The following PARD3B variants were observed in gnomAD, a reference collection of about 807,000 sequenced individuals.
The protein encoded by PARD3B is partitioning defective 3 homolog B.
PARD3B carries 103 observed loss-of-function variants against 130.2 expected under a neutral mutation model. That is an observed-to-expected ratio of 0.79 (90% CI 0.67 to 0.93). PARD3B has a LOEUF of 0.93. PARD3B is among the 40% of genes least tolerant of loss of function. PARD3B has a pLI of 0.00. For synonymous variants in PARD3B, 583 were observed against 553.2 expected (o/e 1.05, Z -0.76); for missense variants, 1,609 against 1,499.2 (o/e 1.07, Z -1.21).
chr2:204,578,661 C>G (rs1219088902), intron 1 of PARD3B, among the ~76,000 whole-genome samples: 4 of 151,984 alleles, frequency 2.6e-5, no homozygotes, highest in Non-Finnish European at 1.5e-5. Context: ...GATGCAAAAC[C>G]TTAAGAACTA....
At chr2:204,746,562 C>T (rs1212934252) in intron 2 of PARD3B, among the ~76,000 whole-genome samples, 5 of 152,198 alleles carry the variant, frequency 3.3e-5, no homozygotes, top group African/African-American at 1.2e-4. Context: ...GCCACACTGT[C>T]TTCCACAATG....
chr2:205,369,874 A>G lies in PARD3B; in HGVS notation c.2631-31139A>G, dbSNP rs568510814. Reference sequence around the variant, plus strand: ...GACTAGATATGTTAACTTATTAATAAAATAGAGATTATATGCTTTTAAAAT... The same window carrying G: ...GACTAGATATGTTAACTTATTAATAGAATAGAGATTATATGCTTTTAAAAT... On this transcript the variant is annotated intron_variant, in intron 18 of 22. Transcript: ENST00000406610. Among the ~76,000 whole-genome samples, 18 of 152,312 alleles carry G rather than the reference A, an allele frequency of 1.2e-4. No individual in the cohort carries two copies. The East Asian group carries it at 2.9e-3, about 24-fold the overall frequency.
At chr2:204,691,970 G>C (rs186800978) in intron 2 of PARD3B, among the ~76,000 whole-genome samples, 128 of 152,148 alleles carry the variant, frequency 8.4e-4, no homozygotes, top group African/African-American at 3.0e-3. Flanking sequence ...ATATTATTTG[G>C]TAACATAAGG....
chr2:205,574,496 C>G (rs915042773), intron 22 of PARD3B, among the ~76,000 whole-genome samples: 17 of 152,144 alleles, frequency 1.1e-4, no homozygotes, highest in Admixed American at 3.3e-4. Flanking sequence ...TTCCACCATA[C>G]ACCATAGTGA....
In PARD3B at chr2:205,142,373, A is replaced by G. The variant is rs569209229; in HGVS notation, c.1435-16349A>G. Among the ~76,000 whole-genome samples the G allele has an allele frequency of 5.4e-4, 83 of 152,336 alleles. No homozygotes were observed. Among genetic ancestry groups the G allele is most frequent in the African/African-American group, 1.8e-3 (76 of 41,580 alleles). ...TTGAAAACTATGATTTTGGTAGATA[A>G]GATGAAAGACATAGTAGTCGCTTTT... is the stretch of plus-strand genomic sequence containing the variant. On this transcript the variant is annotated intron_variant, in intron 10 of 22. Coordinates refer to ENST00000406610, the MANE Select transcript of PARD3B (RefSeq NM_001302769.2). The surrounding 1 kb of genome is among the most constrained non-coding windows in gnomAD (Gnocchi z 4.3).
intron 2 of PARD3B, among the ~76,000 whole-genome samples, chr2:204,787,398 G>A (rs2042049916): frequency 6.6e-6 from 1 of 152,240 alleles, no homozygotes; most frequent in South Asian, 2.1e-4. Flanking sequence ...AGGAGGAGGT[G>A]TATCTCCAGC....
At chr2:205,182,961 G>T (rs1312408265) in intron 13 of PARD3B, among the ~76,000 whole-genome samples, 1 of 152,160 alleles carries the variant, frequency 6.6e-6, no homozygotes, top group Non-Finnish European at 1.5e-5. Flanking sequence ...AACTAGTCTA[G>T]GGACAAAGAG....
At position 205,026,986 on chromosome 2, in the gene PARD3B, G is replaced by A. The variant is rs75863029; in HGVS notation, c.395-20595G>A. On this transcript the variant is annotated intron_variant, in intron 3 of 22. Transcript: ENST00000406610. ...CACCTATCTTAGTTATTGAAGTAAC[G>A]CTGTAATGAACATGAGGGTGTAGAT... is the stretch of plus-strand genomic sequence containing the variant. Among the ~76,000 whole-genome samples, 466 of 152,216 alleles carry A rather than the reference G, an allele frequency of 3.1e-3. 5 individuals are homozygous for A. Among genetic ancestry groups the A allele is most frequent in the African/African-American group, 0.011 (441 of 41,546 alleles).
At chr2:205,540,482 T>C (rs1267826545) in intron 21 of PARD3B, among the ~76,000 whole-genome samples, 1 of 152,208 alleles carries the variant, frequency 6.6e-6, no homozygotes, top group African/African-American at 2.4e-5. Context: ...TAAATTCATA[T>C]GGTTCAATGC....
intron 3 of PARD3B, among the ~76,000 whole-genome samples, chr2:204,997,917 TTATA>T (rs1694367317): frequency 6.7e-6 from 1 of 148,306 alleles, no homozygotes; most frequent in African/African-American, 2.5e-5. Flanking sequence ...TATTTATTAT[TTATA>T]TACTTAATAT....
At chr2:205,343,634 A>G (rs553906737) in intron 18 of PARD3B, among the ~76,000 whole-genome samples, 1 of 152,336 alleles carries the variant, frequency 6.6e-6, no homozygotes, top group East Asian at 1.9e-4. Context: ...TTAAGTAGTA[A>G]CTACAAAGCA....
chr2:204,727,436 T>C (rs918844856), intron 2 of PARD3B, among the ~76,000 whole-genome samples: 8 of 152,316 alleles, frequency 5.3e-5, no homozygotes, highest in South Asian at 4.1e-4. Flanking sequence ...TTTTCAGTCA[T>C]GGTTTTTCTA....
At chr2:205,459,907 C>T (rs1333591405) in intron 20 of PARD3B, among the ~76,000 whole-genome samples, 1 of 152,174 alleles carries the variant, frequency 6.6e-6, no homozygotes, top group African/African-American at 2.4e-5. Flanking sequence ...GCACTCACTG[C>T]AGCCTTGTTC....
intron 18 of PARD3B, among the ~76,000 whole-genome samples, chr2:205,382,388 G>C (rs960715286): frequency 2.0e-5 from 3 of 152,068 alleles, no homozygotes; most frequent in African/African-American, 4.8e-5. Context: ...TTCTTAGGAA[G>C]TACATGATGT....
chr2:205,329,926 G>A (rs544279427), intron 18 of PARD3B, among the ~76,000 whole-genome samples: 24 of 152,098 alleles, frequency 1.6e-4, no homozygotes, highest in East Asian at 9.7e-4. Flanking sequence ...CTAGTGGGGC[G>A]GAGGTTGCAG....
chr2:205,176,641 CT>C lies in PARD3B; in HGVS notation c.1924+65del, dbSNP rs1470338747. The C allele has an allele frequency of 1.3e-5, 15 of 1,185,008 alleles. No individual in the cohort carries two copies. The highest frequency in any genetic ancestry group is 2.4e-4 in the Middle Eastern group (1 of 4,240). 73.4% of individuals were successfully genotyped at this position (1,185,008 alleles called of 1,614,324 possible). Reference sequence around the variant, plus strand: ...AGAAAACACAAAAGTGTCTTTTTATCTAAAAAAAAAAAAAAAGAGTAAAGGG... The same window carrying C: ...AGAAAACACAAAAGTGTCTTTTTATCAAAAAAAAAAAAAAAGAGTAAAGGG... On this transcript the variant is annotated intron_variant, in intron 13 of 22. Coordinates refer to ENST00000406610, the MANE Select transcript of PARD3B (RefSeq NM_001302769.2). This position sits in a 1 kb window ranked among gnomAD's most constrained non-coding sequence, Gnocchi z 5.3.
chr2:204,963,973 A>C (rs1298700654), intron 2 of PARD3B, among the ~76,000 whole-genome samples: 3 of 152,212 alleles, frequency 2.0e-5, no homozygotes, highest in Non-Finnish European at 4.4e-5. Context: ...TTCTTTTGAA[A>C]GATCGAACTT....
chr2:205,202,329 C>T (rs962045529), intron 15 of PARD3B, among the ~76,000 whole-genome samples: 1 of 152,198 alleles, frequency 6.6e-6, no homozygotes, highest in Non-Finnish European at 1.5e-5. Context: ...AAATGGTTCT[C>T]TATGTCAAGG....
chr2:204,773,321 T>C (rs2041469346), intron 2 of PARD3B, among the ~76,000 whole-genome samples: 1 of 151,968 alleles, frequency 6.6e-6, no homozygotes, highest in African/African-American at 2.4e-5. Context: ...TTTTACAGTT[T>C]ACAAAACATT....
Sources: allele counts gnomAD v4.1 joint callset (sites outside exome capture counted in the v4.1 genomes callset), GRCh38; gene constraint gnomAD v4.1.1; non-coding constraint Gnocchi (gnomAD v3.1); transcripts MANE v1.5; gene names NCBI Gene and HGNC (gene_info 2026-07-23, HGNC 2026-07-21).